The following SLC24A2 variants were observed in gnomAD, a reference collection of about 807,000 sequenced individuals.
The protein encoded by SLC24A2 is solute carrier family 24 member 2.
A neutral mutation model predicts 62.0 loss-of-function variants in SLC24A2; 36 were observed. The ratio of observed to expected loss-of-function variants is 0.58; its 90% confidence interval spans 0.44 to 0.77. SLC24A2 has a LOEUF of 0.77. Ranked by LOEUF, SLC24A2 falls within the 30% of genes least tolerant of loss-of-function variation. The pLI, the probability that SLC24A2 is intolerant of heterozygous loss-of-function variation, is 0.00. For missense variants in SLC24A2, 846 were observed against 817.9 expected (o/e 1.03, Z -0.42); for synonymous variants, 358 against 294.0 (o/e 1.22, Z -2.23).
chr9:20,257,773 C>G, the SLC24A2 span, among the ~76,000 whole-genome samples: 1 of 152,268 alleles, frequency 6.6e-6, no homozygotes, highest in Admixed American at 6.5e-5. Context: ...TGGAAATGAC[C>G]TGGCACATAG....
chr9:19,688,789 T>A (rs1203600945), intron 2 of SLC24A2, among the ~76,000 whole-genome samples: 1 of 152,142 alleles, frequency 6.6e-6, no homozygotes, highest in East Asian at 1.9e-4. Flanking sequence ...GCCAGAGGAA[T>A]GCCTCTTATT....
chr9:19,519,349 T>TTG (rs10640008), intron 10 of SLC24A2, among the ~76,000 whole-genome samples: 84,537 of 147,454 alleles, frequency 0.57, 24,047 homozygotes, highest in East Asian at 0.8. Context: ...TTAAACTTCC[T>TTG]TGTGTGTGTG....
chr9:19,585,526 G>C (rs1836347987), intron 5 of SLC24A2, among the ~76,000 whole-genome samples: 1 of 152,208 alleles, frequency 6.6e-6, no homozygotes, highest in Admixed American at 6.5e-5. Context: ...ACCAAGATCT[G>C]AGAACTATGT....
chr9:19,513,087 A>C lies in SLC24A2; in HGVS notation c.*3066T>G, dbSNP rs1433426121. 1 of 148,544 alleles carries C rather than the reference A, an allele frequency of 6.7e-6. No homozygotes were observed. Among genetic ancestry groups the C allele is most frequent in the Non-Finnish European group, 1.5e-5 (1 of 67,662 alleles). 9.2% of individuals were successfully genotyped at this position (148,544 alleles called of 1,614,324 possible). A position where few individuals can be genotyped will look rare whatever the true frequency, so the allele number is the denominator to read the frequency against. On this transcript the variant is annotated 3_prime_UTR_variant, in exon 11 of 11. Transcript: ENST00000341998. ...GATGCTCCCTGCTTTAGAATCCTGA[A>C]TGTGATAGGGTCAGAGGGTGATGAT... is the stretch of plus-strand genomic sequence containing the variant.
chr9:19,937,435 A>G, the SLC24A2 span, among the ~76,000 whole-genome samples: 4 of 152,362 alleles, frequency 2.6e-5, 1 homozygote, highest in Middle Eastern at 6.8e-3. Flanking sequence ...AAATAATTCC[A>G]TGAGAACTCA....
the SLC24A2 span, among the ~76,000 whole-genome samples, chr9:20,169,190 G>T: frequency 1.3e-5 from 2 of 151,930 alleles, no homozygotes; most frequent in African/African-American, 2.4e-5. Flanking sequence ...ATAATCAGGG[G>T]CTGAGAAGGA....
intron 7 of SLC24A2, among the ~76,000 whole-genome samples, chr9:19,567,219 AC>A (rs976979099): frequency 2.0e-4 from 31 of 151,536 alleles, no homozygotes; most frequent in Non-Finnish European, 8.8e-5. Context: ...AAAACCAAAC[AC>A]TTTGCCATCA....
rs954012045 is a variant in SLC24A2, at chr9:19,509,527, T to G, written c.*6626A>C. 6.6e-6 allele frequency: 1 copy of G among 152,192 alleles called. No individual in the cohort carries two copies. The highest frequency in any genetic ancestry group is 1.5e-5 in the Non-Finnish European group (1 of 68,024). 9.4% of individuals were successfully genotyped at this position (152,192 alleles called of 1,614,324 possible). A position where few individuals can be genotyped will look rare whatever the true frequency, so the allele number is the denominator to read the frequency against. On this transcript the variant is annotated 3_prime_UTR_variant, in exon 11 of 11. Transcript: ENST00000341998. The stretch of plus-strand genomic sequence containing the variant: ...GGCTTTAATTAAGACAGTTGTCTCT[T>G]ATGAAGTACTATAAAGTGCAATATT...
chr9:20,185,746 T>C, the SLC24A2 span, among the ~76,000 whole-genome samples: 2 of 151,886 alleles, frequency 1.3e-5, no homozygotes, highest in African/African-American at 4.8e-5. Flanking sequence ...TCCTGATAAT[T>C]TGCATTTTAA....
the SLC24A2 span, among the ~76,000 whole-genome samples, chr9:20,195,887 G>T: frequency 1.3e-5 from 2 of 151,690 alleles, no homozygotes; most frequent in Non-Finnish European, 2.9e-5. Flanking sequence ...TACTGTCCAT[G>T]GTATACAAAA....
At chr9:19,781,787 G>C (rs1823028144) in intron 2 of SLC24A2, among the ~76,000 whole-genome samples, 1 of 152,064 alleles carries the variant, frequency 6.6e-6, no homozygotes, top group East Asian at 1.9e-4. Flanking sequence ...TTTGAAGTTT[G>C]TATATTAATT....
At chr9:19,840,005 A>C in the SLC24A2 span, among the ~76,000 whole-genome samples, 1 of 152,188 alleles carries the variant, frequency 6.6e-6, no homozygotes, top group African/African-American at 2.4e-5. Context: ...CAATGATGAA[A>C]TCACCTAAGG....
chr9:20,080,365 A>C, the SLC24A2 span, among the ~76,000 whole-genome samples: 1 of 152,256 alleles, frequency 6.6e-6, no homozygotes, highest in African/African-American at 2.4e-5. Flanking sequence ...TGACAAAAAG[A>C]AGAAATGGGG....
the SLC24A2 span, among the ~76,000 whole-genome samples, chr9:20,097,890 T>C: frequency 0.038 from 5,769 of 151,294 alleles, 134 homozygotes; most frequent in South Asian, 0.1. Context: ...CTACAGGCGC[T>C]CGACACCACG....
the SLC24A2 span, among the ~76,000 whole-genome samples, chr9:20,013,679 G>A: frequency 6.6e-6 from 1 of 152,142 alleles, no homozygotes; most frequent in African/African-American, 2.4e-5. Flanking sequence ...TGAATATCAT[G>A]TGTCTGACAA....
the SLC24A2 span, among the ~76,000 whole-genome samples, chr9:20,296,151 C>G: frequency 6.6e-6 from 1 of 152,176 alleles, no homozygotes; most frequent in Non-Finnish European, 1.5e-5. Context: ...AATAGCCAAG[C>G]AATATCCAGA....
chr9:20,056,361 ATCAAAG>A, the SLC24A2 span, among the ~76,000 whole-genome samples: 1 of 152,316 alleles, frequency 6.6e-6, no homozygotes, highest in Admixed American at 6.5e-5. Context: ...AGGAGAGGAA[ATCAAAG>A]TCACATTGTT....
At chr9:20,300,876 TA>T in the SLC24A2 span, among the ~76,000 whole-genome samples, 1 of 152,224 alleles carries the variant, frequency 6.6e-6, no homozygotes, top group African/African-American at 2.4e-5. Flanking sequence ...TGCTTTCTAT[TA>T]AAAGCAGGGA....
chr9:19,570,451 T>C (rs1835805350), intron 7 of SLC24A2, among the ~76,000 whole-genome samples: 1 of 152,178 alleles, frequency 6.6e-6, no homozygotes, highest in Admixed American at 6.5e-5. Context: ...TCAGAGCACT[T>C]TGTATAGAAC....
Sources: gnomAD v4.1 joint callset for allele counts (sites outside exome capture counted in the v4.1 genomes callset) on GRCh38, gnomAD v4.1.1 for gene constraint, MANE v1.5 for transcripts, NCBI Gene and HGNC (gene_info 2026-07-23, HGNC 2026-07-21) for gene names.